TUNAR: variants seen among roughly 807,000 people sequenced by gnomAD.
TUNAR encodes the protein protein TUNAR.
In TUNAR at chr14:95,916,416, T is replaced by C. The variant is rs192363901; in HGVS notation, c.13-6365T>C. Among the ~76,000 whole-genome samples the C allele has an allele frequency of 2.6e-5, 4 of 152,358 alleles. No individual in the cohort carries two copies. The East Asian group carries it at 7.7e-4, about 29-fold the overall frequency. On this transcript the variant is annotated intron_variant, in intron 2 of 2. Coordinates refer to ENST00000678517, the Ensembl canonical transcript of TUNAR. The stretch of plus-strand genomic sequence containing the variant: ...TTGCAACGCGCTTTTGCACTCGATA[T>C]TGTATTTGCAATTCATCCATGCGAT...
intron 2 of TUNAR, among the ~76,000 whole-genome samples, chr14:95,878,263 T>C (rs1313520455): frequency 6.6e-6 from 1 of 152,242 alleles, no homozygotes; most frequent in African/African-American, 2.4e-5. Context: ...GGCTTGCCGC[T>C]GTTAGCTGTT....
chr14:95,921,985 G>A (rs569717459), intron 2 of TUNAR, among the ~76,000 whole-genome samples: 66 of 152,078 alleles, frequency 4.3e-4, no homozygotes, highest in African/African-American at 9.2e-4. Flanking sequence ...CTCTCCTCTC[G>A]GTGCATATCT....
chr14:95,924,015 C>T (rs1287538140), exon 3 of TUNAR: 3 of 152,166 alleles, frequency 2.0e-5, no homozygotes, highest in Non-Finnish European at 2.9e-5. Context: ...TATTCAGCTT[C>T]TTACCGGCAG....
intron 2 of TUNAR, among the ~76,000 whole-genome samples, chr14:95,905,924 A>G (rs936666715): frequency 6.6e-6 from 1 of 152,140 alleles, no homozygotes; most frequent in Non-Finnish European, 1.5e-5. Flanking sequence ...CATTTCTTTT[A>G]TCCTGTGATT....
Position 95,895,573 on chromosome 14 carries a change from G to C in TUNAR, c.12+18396G>C, listed in dbSNP as rs1889249607. 6.6e-6 allele frequency among the ~76,000 whole-genome samples: 1 copy of C among 152,088 alleles called. No individual in the cohort carries two copies. Among genetic ancestry groups the C allele is most frequent in the Admixed American group, 6.6e-5 (1 of 15,264 alleles). On this transcript the variant is annotated intron_variant, in intron 2 of 2. Transcript: ENST00000678517. The surrounding 1 kb of genome is among the most constrained non-coding windows in gnomAD (Gnocchi z 4.5). ...TTCCCGACGCATCCTCCAGGATCAT[G>C]GTTCGCTCAGCCTCACATTGCTACA... is the stretch of plus-strand genomic sequence containing the variant.
intron 2 of TUNAR, among the ~76,000 whole-genome samples, chr14:95,908,781 G>A (rs1016451902): frequency 1.3e-5 from 2 of 152,188 alleles, no homozygotes; most frequent in African/African-American, 4.8e-5. Flanking sequence ...TTACAGATGA[G>A]GACCAGAGAG....
At chr14:95,891,221 G>C (rs1362756621) in intron 2 of TUNAR, among the ~76,000 whole-genome samples, 2 of 152,226 alleles carry the variant, frequency 1.3e-5, no homozygotes, top group Admixed American at 6.5e-5. Flanking sequence ...TCGGAAGCTA[G>C]AGCCAAGGTC....
rs529327968 is a variant in TUNAR, at chr14:95,925,117, A to G, written c.*2151A>G. The G allele has an allele frequency of 2.6e-5, 4 of 152,312 alleles. No homozygotes were observed. The East Asian group carries it at 7.7e-4, about 29-fold the overall frequency. 9.4% of individuals were successfully genotyped at this position (152,312 alleles called of 1,614,324 possible). On this transcript the variant is annotated 3_prime_UTR_variant, in exon 3 of 3. Coordinates refer to ENST00000678517, the Ensembl canonical transcript of TUNAR. ...CCAGGCACTGTGCCAGATGCTTTGG[A>G]TACTTGGAGTCATTGAATTCTTGTA...
At chr14:95,924,263 C>T (rs996308875) in exon 3 of TUNAR, 8 of 152,166 alleles carry the variant, frequency 5.3e-5, no homozygotes, top group Non-Finnish European at 8.8e-5. Flanking sequence ...GGTGACTTTT[C>T]AGGGACATGA....
chr14:95,882,187 C>G (rs145370791), intron 2 of TUNAR, among the ~76,000 whole-genome samples: 102 of 152,198 alleles, frequency 6.7e-4, no homozygotes, highest in African/African-American at 2.3e-3. Flanking sequence ...TCGGTGCGGC[C>G]CATGGAATCT....
intron 2 of TUNAR, among the ~76,000 whole-genome samples, chr14:95,884,583 C>T (rs902312848): frequency 2.6e-5 from 4 of 152,212 alleles, no homozygotes; most frequent in South Asian, 2.1e-4. Context: ...GTCTAGGCAC[C>T]GTGTTACAGG....
intron 1 of TUNAR, 63 bp from the exon 1 acceptor site, chr14:95,876,769 G>T (rs1333337420): frequency 6.6e-6 from 1 of 152,264 alleles, no homozygotes; most frequent in Non-Finnish European, 1.5e-5. Context: ...GTGGGGCAGC[G>T]CGGTGCTGCT....
chr14:95,884,888 C>G (rs1185358203), intron 2 of TUNAR, among the ~76,000 whole-genome samples: 1 of 151,018 alleles, frequency 6.6e-6, no homozygotes, highest in South Asian at 2.1e-4. Flanking sequence ...TTTTTTTTTC[C>G]CTCCTACTGA....
chr14:95,924,751 C>G (rs1889758094), exon 3 of TUNAR: 1 of 152,204 alleles, frequency 6.6e-6, no homozygotes, highest in Non-Finnish European at 1.5e-5. Flanking sequence ...CCCACCGGGT[C>G]CCTCCCACAA....
chr14:95,885,234 C>T (rs1277706160), intron 2 of TUNAR, among the ~76,000 whole-genome samples: 3 of 152,188 alleles, frequency 2.0e-5, no homozygotes, highest in Non-Finnish European at 4.4e-5. Context: ...AGCATTTTCA[C>T]GCTCAGCATC....
intron 2 of TUNAR, among the ~76,000 whole-genome samples, chr14:95,877,508 T>C (rs1224476851): frequency 6.6e-6 from 1 of 152,186 alleles, no homozygotes; most frequent in Non-Finnish European, 1.5e-5. Flanking sequence ...GTCCAGGCCG[T>C]GCCGGGCAGT....
exon 3 of TUNAR, chr14:95,922,961 C>T (rs1046049276): frequency 1.0e-5 from 4 of 398,932 alleles, no homozygotes; most frequent in African/African-American, 8.2e-5. Flanking sequence ...ATACACCACC[C>T]TGTGAATGGC....
chr14:95,902,161 T>C (rs1245888801), intron 2 of TUNAR, among the ~76,000 whole-genome samples: 1 of 152,202 alleles, frequency 6.6e-6, no homozygotes, highest in Non-Finnish European at 1.5e-5. Context: ...ATCAAGTGTA[T>C]TTTTCCAGTG....
intron 2 of TUNAR, among the ~76,000 whole-genome samples, chr14:95,892,141 C>T (rs1889188895): frequency 6.6e-6 from 1 of 152,216 alleles, no homozygotes; most frequent in Non-Finnish European, 1.5e-5. Context: ...ACACAGGTCC[C>T]CTATGACACT....
Sources: allele counts gnomAD v4.1 joint callset (sites outside exome capture counted in the v4.1 genomes callset), GRCh38; gene constraint gnomAD v4.1.1; non-coding constraint Gnocchi (gnomAD v3.1); transcripts MANE v1.5; gene names NCBI Gene and HGNC (gene_info 2026-07-23, HGNC 2026-07-21).